VIPR2: variants seen among roughly 807,000 people sequenced by gnomAD.
VIPR2 encodes vasoactive intestinal peptide receptor 2, also known as vasoactive intestinal polypeptide receptor 2.
VIPR2 carries 48 observed loss-of-function variants against 58.0 expected under a neutral mutation model. The ratio of observed to expected loss-of-function variants is 0.83; its 90% CI spans 0.66 to 1.05. The LOEUF (loss-of-function observed/expected upper bound fraction) is 1.05. VIPR2 is among the 50% of genes least tolerant of loss of function. The pLI is 0.00. For synonymous variants in VIPR2, 243 were observed against 235.2 expected, an observed-to-expected ratio of 1.03 and a Z score of -0.30; for missense variants, 534 against 558.0, an observed-to-expected ratio of 0.96 and a Z score of 0.43.
chr7:159,140,799 G>A (rs1797434873), intron 2 of VIPR2, among the ~76,000 whole-genome samples: 1 of 152,204 alleles, frequency 6.6e-6, no homozygotes. Flanking sequence ...CACTGAGGGG[G>A]AGCCCCTGTG....
chr7:159,070,501 C>T (rs1856325241), intron 4 of VIPR2, among the ~76,000 whole-genome samples: 1 of 152,118 alleles, frequency 6.6e-6, no homozygotes, highest in South Asian at 2.1e-4. Flanking sequence ...GTTTGGTATC[C>T]TTGGTTAGTT....
chr7:159,038,638 C>T (rs956445825), intron 6 of VIPR2, among the ~76,000 whole-genome samples: 6 of 152,082 alleles, frequency 3.9e-5, no homozygotes, highest in African/African-American at 1.4e-4. Context: ...CGGGATGCAA[C>T]GTGCCTTCTT....
intron 2 of VIPR2, among the ~76,000 whole-genome samples, chr7:159,112,685 GCGCC>G: frequency 8.0e-6 from 1 of 125,504 alleles, no homozygotes. Context: ...GCGGCTCACG[GCGCC>G]TACCTGGGAC....
intron 4 of VIPR2, among the ~76,000 whole-genome samples, chr7:159,079,985 A>C (rs1355991607): frequency 6.6e-6 from 1 of 152,240 alleles, no homozygotes; most frequent in Non-Finnish European, 1.5e-5. Context: ...ATAGCTTACC[A>C]ACCAAAAAAA....
intron 5 of VIPR2, among the ~76,000 whole-genome samples, chr7:159,048,916 C>T (rs1227909279): frequency 6.6e-6 from 1 of 152,208 alleles, no homozygotes; most frequent in Non-Finnish European, 1.5e-5. Flanking sequence ...GCTGGGTCCA[C>T]TTGTTCAAGG....
Position 159,031,791 on chromosome 7 carries a change from G to A in VIPR2, c.1143+37C>T. On this transcript the variant is annotated intron_variant, in intron 12 of 12. Coordinates refer to ENST00000262178, the MANE Select transcript of VIPR2 (RefSeq NM_003382.5). The surrounding 1 kb of genome is among the most constrained non-coding windows in gnomAD (Gnocchi z 4.0). ...GGGCAGCATCTCAGGAAGCAAGTGA[G>A]TACCTGTGCTTGGTTCCAAGGCGGC... 2.5e-6 allele frequency: 4 copies of A among 1,613,748 alleles called. No individual in the cohort carries two copies. The highest frequency in any genetic ancestry group is 1.7e-6 in the Non-Finnish European group (2 of 1,180,018).
chr7:159,113,939 G>A (rs1160275835), intron 2 of VIPR2, among the ~76,000 whole-genome samples: 9 of 152,186 alleles, frequency 5.9e-5, no homozygotes, highest in African/African-American at 1.9e-4. Flanking sequence ...AAGAGATGCT[G>A]CCATAGGGCT....
In VIPR2 at chr7:159,087,151, T is replaced by C. The variant is rs60499339; in HGVS notation, c.357+16606A>G. Among the ~76,000 whole-genome samples, 1,142 of 137,598 alleles carry C rather than the reference T, an allele frequency of 8.3e-3. 13 individuals carry two copies. Among genetic ancestry groups the C allele is most frequent in the African/African-American group, 0.03 (1,099 of 36,182 alleles). 90.3% of individuals were successfully genotyped at this position (137,598 alleles called of 152,430 possible). ...TACCCAGGACTCGGATAGTGAGATATGGCTTCCCAACAAACAATACCCAGG... is the reference window on the plus strand; with the variant it reads ...TACCCAGGACTCGGATAGTGAGATACGGCTTCCCAACAAACAATACCCAGG... On this transcript the variant is annotated intron_variant, in intron 4 of 12. Coordinates refer to ENST00000262178, the MANE Select transcript of VIPR2 (RefSeq NM_003382.5).
intron 4 of VIPR2, among the ~76,000 whole-genome samples, chr7:159,075,736 G>A (rs945674070): frequency 4.1e-5 from 6 of 144,764 alleles, no homozygotes; most frequent in Non-Finnish European, 7.4e-5. Flanking sequence ...CAGCACCCAC[G>A]GACCCACTGC....
intron 4 of VIPR2, among the ~76,000 whole-genome samples, chr7:159,082,359 G>A (rs1280222307): frequency 6.6e-6 from 1 of 152,048 alleles, no homozygotes; most frequent in Admixed American, 6.5e-5. Flanking sequence ...GCAAACTATC[G>A]CAAGGAGAAA....
At chr7:159,069,425 G>C (rs189402656) in intron 4 of VIPR2, among the ~76,000 whole-genome samples, 1 of 152,178 alleles carries the variant, frequency 6.6e-6, no homozygotes, top group Non-Finnish European at 1.5e-5. Context: ...TCCTCCTCAC[G>C]TGTGCGGAAT....
chr7:159,109,103 T>C (rs1400988974), intron 3 of VIPR2, among the ~76,000 whole-genome samples: 2 of 152,254 alleles, frequency 1.3e-5, no homozygotes, highest in Non-Finnish European at 2.9e-5. Context: ...AAATTCTCCA[T>C]AGTGCTCCAA....
At chr7:159,108,538 A>C (rs1482167261) in intron 3 of VIPR2, among the ~76,000 whole-genome samples, 4 of 152,232 alleles carry the variant, frequency 2.6e-5, no homozygotes, top group African/African-American at 9.6e-5. Flanking sequence ...AGGTGGAATA[A>C]GCATTTAACC....
intron 5 of VIPR2, 127 bp from the exon 6 acceptor site, chr7:159,043,303 A>C: frequency 1.2e-6 from 1 of 824,342 alleles, no homozygotes; most frequent in Non-Finnish European, 1.7e-6. Context: ...AGTTGAGGGC[A>C]TGAAGCAGAT....
intron 6 of VIPR2, 89 bp from the exon 7 acceptor site, chr7:159,036,991 G>A (rs1207967507): frequency 2.5e-5 from 36 of 1,460,876 alleles, no homozygotes; most frequent in South Asian, 3.9e-5. Context: ...GACACAGGGC[G>A]CTTGGTATCT....
In VIPR2 at chr7:159,127,149, C is replaced by T. The variant is rs182293207; in HGVS notation, c.151+15297G>A. On this transcript the variant is annotated intron_variant, in intron 2 of 12. Coordinates refer to ENST00000262178, the MANE Select transcript of VIPR2 (RefSeq NM_003382.5). The surrounding 1 kb of genome is among the most constrained non-coding windows in gnomAD (Gnocchi z 4.6). Reference sequence around the variant, plus strand: ...ATTTTCTTCAGATGACTCAGATACGCTGACATTCTGTCTAATTAGTGCGCT... The same window carrying T: ...ATTTTCTTCAGATGACTCAGATACGTTGACATTCTGTCTAATTAGTGCGCT... Among the ~76,000 whole-genome samples the T allele has an allele frequency of 4.9e-4, 74 of 152,346 alleles. No homozygotes were observed. The highest frequency in any genetic ancestry group is 1.7e-3 in the African/African-American group (71 of 41,584).
At chr7:159,042,226 G>A (rs1420777876) in intron 6 of VIPR2, among the ~76,000 whole-genome samples, 2 of 152,134 alleles carry the variant, frequency 1.3e-5, no homozygotes, top group Non-Finnish European at 2.9e-5. Context: ...AGAGTCTGGA[G>A]CTCCTGGCTC....
intron 3 of VIPR2, among the ~76,000 whole-genome samples, chr7:159,108,165 T>C (rs1307949465): frequency 6.6e-6 from 1 of 152,230 alleles, no homozygotes; most frequent in East Asian, 1.9e-4. Context: ...TTTCTAAGAC[T>C]CTACAGTTAT....
At chr7:159,094,132 C>T (rs934637372) in intron 4 of VIPR2, among the ~76,000 whole-genome samples, 1 of 152,192 alleles carries the variant, frequency 6.6e-6, no homozygotes, top group African/African-American at 2.4e-5. Flanking sequence ...GTCTCATTCT[C>T]CACAGGGGAG....
Sources: allele counts gnomAD v4.1 joint callset (sites outside exome capture counted in the v4.1 genomes callset), GRCh38; gene constraint gnomAD v4.1.1; non-coding constraint Gnocchi (gnomAD v3.1); transcripts MANE v1.5; gene names NCBI Gene and HGNC (gene_info 2026-07-23, HGNC 2026-07-21).